OTOF: variants seen among roughly 807,000 people sequenced by gnomAD.
OTOF encodes otoferlin.
In OTOF, 218 loss-of-function variants were observed where a neutral mutation model predicts 236.8. The observed-to-expected ratio is 0.92, with a 90% CI of 0.82 to 1.03. OTOF has a LOEUF of 1.03. OTOF is among the 50% of genes least tolerant of loss of function. The pLI is 0.00. For missense variants in OTOF, 2,590 were observed against 2,694.4 expected (o/e 0.96, Z 0.86); for synonymous variants, 1,041 against 1,072.5 (o/e 0.97, Z 0.57).
At chr2:26,459,431 A>C (rs534997049) in intron 46 of OTOF, among the ~76,000 whole-genome samples, 2 of 152,038 alleles carry the variant, frequency 1.3e-5, no homozygotes, top group Non-Finnish European at 2.9e-5. Flanking sequence ...GGGTGCCTGT[A>C]GTCCCAGCTA....
chr2:26,518,892 C>T (rs954728868), intron 4 of OTOF, 118 bp downstream of exon 4: 14 of 766,520 alleles, frequency 1.8e-5, no homozygotes, highest in Middle Eastern at 2.2e-4. Context: ...CCTCCTCCTG[C>T]GACACCTCGC....
At position 26,462,095 on chromosome 2, in the gene OTOF, A is replaced by C; in HGVS notation, c.5279T>G (p.Ile1760Ser). The C allele has an allele frequency of 6.2e-7, 1 of 1,612,334 alleles. No homozygotes were observed. Among genetic ancestry groups the C allele is most frequent in the Non-Finnish European group, 8.5e-7 (1 of 1,179,202 alleles). The stretch of plus-strand genomic sequence containing the variant: ...ACTGCTCACCCACCCCCTCACGAAG[A>C]TGTCACTGGACTTCTCCCCTGTGAA... ...DFFTGEKSSD[I>S]FVRGWLKGQQ... is the part of the protein sequence containing the mutation. The change falls in exon 42 of 47, where the codon ATC becomes AGC. Residue 1760 changes from isoleucine (I) to serine (S), a missense_variant. Ile to Ser is a moderately radical substitution (Grantham distance 142). Transcript: ENST00000272371. This position sits in a 1 kb window ranked among gnomAD's most constrained non-coding sequence, Gnocchi z 4.7.
At chr2:26,471,742 A>C (rs912849028) in intron 30 of OTOF, among the ~76,000 whole-genome samples, 2 of 152,214 alleles carry the variant, frequency 1.3e-5, no homozygotes, top group African/African-American at 4.8e-5. Flanking sequence ...GCACATGCAC[A>C]CACCCACATG....
Position 26,460,453 on chromosome 2 carries a change from C to G in OTOF, c.5813+194G>C, listed in dbSNP as rs1335655475. 1.3e-5 allele frequency among the ~76,000 whole-genome samples: 2 copies of G among 152,208 alleles called. No individual in the cohort carries two copies. The highest frequency in any genetic ancestry group is 2.9e-5 in the Non-Finnish European group (2 of 68,030). ...GGCCTTTCCCAGGGAAGGTCCTGCT[C>G]TCCAGTATTCCTAGCCCATCCTCTG... On this transcript the variant is annotated intron_variant, in intron 45 of 46. Transcript: ENST00000272371. The surrounding 1 kb of genome is among the most constrained non-coding windows in gnomAD (Gnocchi z 5.3).
At chr2:26,476,827 C>T (rs936212699) in intron 22 of OTOF, 64 bp downstream of exon 22, 3 of 1,483,924 alleles carry the variant, frequency 2.0e-6, no homozygotes, top group South Asian at 1.1e-5. Context: ...CTTCCAGCCC[C>T]AGGTGGGGGC....
intron 9 of OTOF, among the ~76,000 whole-genome samples, chr2:26,492,730 G>A (rs1234125311): frequency 6.6e-6 from 1 of 152,184 alleles, no homozygotes; most frequent in African/African-American, 2.4e-5. Flanking sequence ...TCCACCAGCA[G>A]GACAGAGACA....
intron 5 of OTOF, among the ~76,000 whole-genome samples, chr2:26,504,985 G>A (rs1041180101): frequency 6.6e-6 from 1 of 152,126 alleles, no homozygotes; most frequent in Non-Finnish European, 1.5e-5. Context: ...CCAGATCCTT[G>A]TTCTTTATGC....
At chr2:26,546,752 T>TG (rs1667343075) in intron 1 of OTOF, among the ~76,000 whole-genome samples, 1 of 151,904 alleles carries the variant, frequency 6.6e-6, no homozygotes, top group Non-Finnish European at 1.5e-5. Context: ...TGTTTGGTTT[T>TG]TTTTTTTTTT....
chr2:26,498,261 G>C (rs541077704), intron 8 of OTOF, among the ~76,000 whole-genome samples: 4 of 152,348 alleles, frequency 2.6e-5, no homozygotes, highest in African/African-American at 9.6e-5. Context: ...GGAGGGGAAG[G>C]TGGGCAGAGG....
chr2:26,530,739 C>G (rs1274832252), intron 2 of OTOF, among the ~76,000 whole-genome samples: 2 of 152,172 alleles, frequency 1.3e-5, no homozygotes, highest in Non-Finnish European at 2.9e-5. Context: ...CCCTTTGTCT[C>G]TGTCTCCCTC....
intron 11 of OTOF, among the ~76,000 whole-genome samples, chr2:26,487,377 G>A (rs1456994260): frequency 6.6e-6 from 1 of 152,088 alleles, no homozygotes; most frequent in Admixed American, 6.5e-5. Flanking sequence ...GCTGGATTCA[G>A]CAGAAGCAGC....
chr2:26,473,974 A>G lies in OTOF; in HGVS notation c.3408+17T>C. 6.2e-7 allele frequency: 1 copy of G among 1,612,732 alleles called. No individual in the cohort carries two copies. The highest frequency in any genetic ancestry group is 1.1e-5 in the South Asian group (1 of 91,084). On this transcript the variant is annotated intron_variant, in intron 27 of 46. Coordinates refer to ENST00000272371, the MANE Select transcript of OTOF (RefSeq NM_194248.3). This position sits in a 1 kb window ranked among gnomAD's most constrained non-coding sequence, Gnocchi z 7.2. ...ACTCCTCATCCAAAAGGGAAGGGCCACACAGAGCCCTCGCACCTCCACTCG... is the reference window on the plus strand; with the variant it reads ...ACTCCTCATCCAAAAGGGAAGGGCCGCACAGAGCCCTCGCACCTCCACTCG...
intron 2 of OTOF, among the ~76,000 whole-genome samples, chr2:26,531,585 C>G (rs1377579409): frequency 6.6e-6 from 1 of 152,220 alleles, no homozygotes; most frequent in Non-Finnish European, 1.5e-5. Flanking sequence ...CATCACTTTC[C>G]TCTTCTGCCT....
rs184205802 is a variant in OTOF, at chr2:26,459,003, T to C, written c.*18-783A>G. ...ATAAAATGGGGTTACAAGCAGTACC[T>C]ACCTCCTGGGTTTGGCGCAATGGCA... On this transcript the variant is annotated intron_variant, in intron 46 of 46. Transcript: ENST00000272371. Among the ~76,000 whole-genome samples, 952 of 152,318 alleles carry C rather than the reference T, an allele frequency of 6.3e-3. 12 individuals are homozygous for C. The highest frequency in any genetic ancestry group is 0.022 in the African/African-American group (923 of 41,574).
intron 8 of OTOF, among the ~76,000 whole-genome samples, chr2:26,500,406 C>A (rs1291521122): frequency 6.6e-6 from 1 of 152,140 alleles, no homozygotes; most frequent in African/African-American, 2.4e-5. Flanking sequence ...CCTCTTAGGC[C>A]AGTGACATGA....
chr2:26,480,702 G>T, intron 15 of OTOF, 84 bp downstream of exon 15: 1 of 1,179,182 alleles, frequency 8.5e-7, no homozygotes, highest in Non-Finnish European at 1.3e-6. Context: ...GGCAGCAACA[G>T]GCAAAGCCTG....
At chr2:26,465,537 C>A (rs1572407357) in intron 38 of OTOF, 135 bp downstream of exon 38, 7 of 888,884 alleles carry the variant, frequency 7.9e-6, no homozygotes, top group Non-Finnish European at 1.2e-5. Flanking sequence ...TGCCCAGGGA[C>A]TGTAGGGGCA....
At chr2:26,508,186 C>T (rs1666296213) in intron 5 of OTOF, among the ~76,000 whole-genome samples, 1 of 152,200 alleles carries the variant, frequency 6.6e-6, no homozygotes, top group Non-Finnish European at 1.5e-5. Context: ...GGTAATCAAT[C>T]AGGATAAAGA....
In OTOF at chr2:26,475,574, C is replaced by T. The variant is rs1417717257; in HGVS notation, c.2992-81G>A. 5 of 1,494,982 alleles carry T rather than the reference C, an allele frequency of 3.3e-6. No individual in the cohort carries two copies. In the African/African-American group the frequency reaches 6.9e-5, roughly 21 times the overall value. 92.6% of individuals were successfully genotyped at this position (1,494,982 alleles called of 1,614,324 possible). A position where few individuals can be genotyped will look rare whatever the true frequency, so the allele number is the denominator to read the frequency against. Reference sequence around the variant, plus strand: ...CAAACAGAAGCCACCCCTACTCACTCAGCTTCCACGGAACCTGGGGGCAGG... The same window carrying T: ...CAAACAGAAGCCACCCCTACTCACTTAGCTTCCACGGAACCTGGGGGCAGG... On this transcript the variant is annotated intron_variant, in intron 24 of 46. Transcript: ENST00000272371.
Sources: gnomAD v4.1 joint callset for allele counts (sites outside exome capture counted in the v4.1 genomes callset) on GRCh38, gnomAD v4.1.1 for gene constraint, Gnocchi (gnomAD v3.1) non-coding constraint, MANE v1.5 for transcripts, NCBI Gene and HGNC (gene_info 2026-07-23, HGNC 2026-07-21) for gene names.